RBM19: variants seen among roughly 807,000 people sequenced by gnomAD.
RBM19 encodes probable RNA-binding protein 19.
RBM19 carries 94 observed loss-of-function variants against 116.8 expected under a neutral mutation model. The observed-to-expected ratio is 0.80, with a 90% CI of 0.68 to 0.95. The LOEUF (loss-of-function observed/expected upper bound fraction) is 0.95. RBM19 is among the 40% of genes least tolerant of loss of function. RBM19 has a pLI of 0.00. For synonymous variants in RBM19, 475 were observed against 494.1 expected, an observed-to-expected ratio of 0.96 and a Z score of 0.51; for missense variants, 1,161 against 1,220.7, an observed-to-expected ratio of 0.95 and a Z score of 0.73.
At chr12:113,862,174 T>C (rs946101085) in intron 21 of RBM19, among the ~76,000 whole-genome samples, 1 of 152,194 alleles carries the variant, frequency 6.6e-6, no homozygotes, top group African/African-American at 2.4e-5. Context: ...TCATTTCCGC[T>C]ACCAATGAGT....
intron 20 of RBM19, among the ~76,000 whole-genome samples, chr12:113,917,452 C>T (rs898077053): frequency 1.3e-5 from 2 of 152,198 alleles, no homozygotes; most frequent in African/African-American, 4.8e-5. Flanking sequence ...GGAACCCCCA[C>T]TAGACTTCTG....
At chr12:113,872,568 G>T (rs1879325030) in intron 21 of RBM19, among the ~76,000 whole-genome samples, 2 of 109,438 alleles carry the variant, frequency 1.8e-5, no homozygotes, top group Admixed American at 1.7e-4. Context: ...CGGGAGGGAG[G>T]TGGGGGGGGG....
chr12:113,888,704 A>G (rs1220589512), intron 21 of RBM19, among the ~76,000 whole-genome samples: 2 of 152,112 alleles, frequency 1.3e-5, no homozygotes, highest in Non-Finnish European at 2.9e-5. Flanking sequence ...CTGGACTTTC[A>G]ACCTGTCTTC....
chr12:113,821,286 G>A (rs542178487), downstream of RBM19, among the ~76,000 whole-genome samples: 3 of 152,252 alleles, frequency 2.0e-5, no homozygotes, highest in East Asian at 5.8e-4. Context: ...GCCTGCCTCT[G>A]CACCAGGCCC....
In RBM19 at chr12:113,825,136, G is replaced by A. The variant is rs1874746524; in HGVS notation, c.2786-1815C>T. On this transcript the variant is annotated intron_variant, in intron 23 of 23. Coordinates refer to ENST00000261741, the MANE Select transcript of RBM19 (RefSeq NM_016196.4). The surrounding 1 kb of genome is among the most constrained non-coding windows in gnomAD (Gnocchi z 5.7). ...GTCCCTGGCCTTAGCACACTGCCTG[G>A]TGCCTAGCAAGTGCTTGTGAAATAT... Among the ~76,000 whole-genome samples, 1 of 152,234 alleles carries A rather than the reference G, an allele frequency of 6.6e-6. No homozygotes were observed. The highest frequency in any genetic ancestry group is 2.1e-4 in the South Asian group (1 of 4,830).
chr12:113,931,613 A>C (rs1593605779), intron 16 of RBM19, among the ~76,000 whole-genome samples: 2 of 150,762 alleles, frequency 1.3e-5, no homozygotes, highest in African/African-American at 2.4e-5. Context: ...TTCATCCCTC[A>C]CCCTTTTCCC....
At chr12:113,881,045 T>C (rs762990917) in intron 21 of RBM19, among the ~76,000 whole-genome samples, 25 of 152,132 alleles carry the variant, frequency 1.6e-4, no homozygotes, top group Non-Finnish European at 1.9e-4. Flanking sequence ...AACACCATCA[T>C]CCCCTCAATT....
At chr12:113,844,516 A>C in intron 23 of RBM19, 152 bp downstream of exon 23, 3 of 1,084,026 alleles carry the variant, frequency 2.8e-6, no homozygotes, top group Non-Finnish European at 3.8e-6. Context: ...GCAGGTCTGG[A>C]GGGGCTGTGG....
At chr12:113,921,937 C>T (rs7298530) in intron 18 of RBM19, among the ~76,000 whole-genome samples, 25,555 of 152,232 alleles carry the variant, frequency 0.17, 2,622 homozygotes, top group South Asian at 0.24. Flanking sequence ...AGATTCCTTG[C>T]TTCCTGTTGG....
chr12:113,951,146 T>C (rs1871429185), intron 8 of RBM19, among the ~76,000 whole-genome samples: 2 of 152,152 alleles, frequency 1.3e-5, no homozygotes, highest in South Asian at 2.1e-4. Flanking sequence ...ATCCTCCTAC[T>C]TCAGCCTCCT....
chr12:113,823,303 C>T lies in RBM19; in HGVS notation c.2804G>A (p.Arg935Gln), dbSNP rs201188192. 2.5e-5 allele frequency: 40 copies of T among 1,613,072 alleles called. 1 individual carries two copies. Among genetic ancestry groups the T allele is most frequent in the South Asian group, 4.4e-5 (4 of 91,074 alleles). The change falls in exon 24 of 24, where the codon CGG becomes CAG. Residue 935 changes from arginine (R) to glutamine (Q), a missense_variant. Arg to Gln is a conservative substitution (Grantham distance 43, BLOSUM62 1). Transcript: ENST00000261741. The part of the protein sequence containing the change: ...AHFHEPPKKK[R>Q]SVVLDEILEQ... ...CAGGATCTCGTCCAACACCACAGAC[C>T]GCTTTTTCTTCGGGGGCTCTGTGGG...
intron 22 of RBM19, among the ~76,000 whole-genome samples, chr12:113,848,893 G>A (rs1877211874): frequency 1.3e-5 from 2 of 152,078 alleles, no homozygotes; most frequent in Admixed American, 6.5e-5. Flanking sequence ...TTGTGGCATC[G>A]AAGGCCTTCT....
downstream of RBM19, among the ~76,000 whole-genome samples, chr12:113,820,855 C>T (rs61131235): frequency 0.061 from 9,310 of 152,266 alleles, 573 homozygotes; most frequent in East Asian, 0.33. Context: ...TGGAAGCTCT[C>T]CCTCCTCTTG....
intron 22 of RBM19, among the ~76,000 whole-genome samples, chr12:113,856,537 C>T (rs552157076): frequency 2.5e-4 from 38 of 152,358 alleles, no homozygotes; most frequent in Middle Eastern, 3.4e-3. Context: ...GGGGCTCCAA[C>T]GCCTTTGCTC....
Position 113,947,470 on chromosome 12 carries a change from G to A in RBM19, c.1277-6C>T. The A allele has an allele frequency of 1.9e-6, 3 of 1,590,846 alleles. No homozygotes were observed. The South Asian group carries it at 3.3e-5, about 18-fold the overall frequency. ...GTGGAGCTCAGACAGGGGACCTGAG[G>A]ACAGGAGAAGTGTCGGTCTCTGGTA... On this transcript the variant is annotated splice_region_variant and splice_polypyrimidine_tract_variant and intron_variant, in intron 10 of 23. Coordinates refer to ENST00000261741, the MANE Select transcript of RBM19 (RefSeq NM_016196.4).
At position 113,959,289 on chromosome 12, in the gene RBM19, G is replaced by A. The variant is rs1171789289; in HGVS notation, c.494C>T (p.Pro165Leu). The stretch of plus-strand genomic sequence containing the variant: ...GTCGAAGTTCAGGTAGTCACTGGCC[G>A]GCTTGCTCTTCCCTTTCGAGGGCTC... ...DAEPSKGKSK[P>L]ASDYLNFDSD... The change falls in exon 5 of 24, where the codon CCG becomes CTG. Residue 165 changes from proline to leucine, a missense_variant. By Grantham distance (98) the Pro-to-Leu change is moderately conservative. Coordinates refer to ENST00000261741, the MANE Select transcript of RBM19 (RefSeq NM_016196.4). 11 of 1,613,892 alleles carry A rather than the reference G, an allele frequency of 6.8e-6. No individual in the cohort carries two copies. The East Asian group carries it at 8.9e-5, about 13-fold the overall frequency.
At chr12:113,879,854 C>G (rs1249300323) in intron 21 of RBM19, among the ~76,000 whole-genome samples, 2 of 151,996 alleles carry the variant, frequency 1.3e-5, no homozygotes, top group Admixed American at 1.3e-4. Context: ...TTCCCAGATG[C>G]CCAATGGAGG....
intron 6 of RBM19, 34 bp from the exon 7 acceptor site, chr12:113,955,245 C>T (rs1288214322): frequency 6.3e-6 from 10 of 1,596,634 alleles, no homozygotes; most frequent in African/African-American, 1.3e-5. Flanking sequence ...GAAGTGGCCA[C>T]ACTAACCCTT....
intron 16 of RBM19, 184 bp downstream of exon 16, chr12:113,936,823 T>C (rs977125626): frequency 5.4e-5 from 39 of 715,818 alleles, no homozygotes; most frequent in Non-Finnish European, 7.3e-5. Context: ...ATTGCATCCA[T>C]AATTTTGACA....
Sources: allele counts gnomAD v4.1 joint callset (sites outside exome capture counted in the v4.1 genomes callset), GRCh38; gene constraint gnomAD v4.1.1; non-coding constraint Gnocchi (gnomAD v3.1); transcripts MANE v1.5; gene names NCBI Gene and HGNC (gene_info 2026-07-23, HGNC 2026-07-21).